Variants in PRDM8 observed in about 807,000 individuals in gnomAD.
PRDM8 encodes PR/SET domain 8.
In PRDM8, 13 loss-of-function variants were observed where a neutral mutation model predicts 46.5. That is an observed-to-expected ratio of 0.28 (90% CI 0.18 to 0.44). PRDM8 has a LOEUF of 0.44. Ranked by LOEUF, PRDM8 falls within the 20% of genes least tolerant of loss-of-function variation. The pLI is 1.00. For synonymous variants in PRDM8, 473 were observed against 438.4 expected (o/e 1.08, Z -0.98); for missense variants, 998 against 955.0 (o/e 1.04, Z -0.59).
chr4:80,202,211 CCGG>C lies in PRDM8; in HGVS notation c.754_756del (p.Gly252del). On this transcript the variant is annotated inframe_deletion, in exon 4 of 4. Transcript: ENST00000415738. The stretch of plus-strand genomic sequence containing the variant: ...GAAAGCAGCAACCCATCCGCTGCCG[CCGG>C]CGGCAGCAGCGCGAAGCCATCCACA... 6.2e-7 allele frequency: 1 copy of C among 1,612,030 alleles called. No individual in the cohort carries two copies. The highest frequency in any genetic ancestry group is 8.5e-7 in the Non-Finnish European group (1 of 1,179,734).
At chr4:80,186,894 C>T (rs1737138905) in intron 1 of PRDM8, among the ~76,000 whole-genome samples, 1 of 152,202 alleles carries the variant, frequency 6.6e-6, no homozygotes, top group Non-Finnish European at 1.5e-5. Context: ...GGTGCCCTTT[C>T]TCTGTGCTGC....
intron 1 of PRDM8, among the ~76,000 whole-genome samples, chr4:80,188,800 A>G (rs1232948485): frequency 6.6e-6 from 1 of 152,204 alleles, no homozygotes; most frequent in Non-Finnish European, 1.5e-5. Context: ...TGCGTGGGCT[A>G]GGAGAAGGAG....
chr4:80,200,742 T>C (rs1243496656), intron 2 of PRDM8, among the ~76,000 whole-genome samples: 1 of 151,060 alleles, frequency 6.6e-6, no homozygotes, highest in Non-Finnish European at 1.5e-5. Flanking sequence ...CCAGAGTTTG[T>C]ATTTAAATAA....
At chr4:80,200,396 C>T (rs980014827) in intron 2 of PRDM8, 97 bp downstream of exon 2, 3 of 1,158,860 alleles carry the variant, frequency 2.6e-6, no homozygotes, top group African/African-American at 3.1e-5. Flanking sequence ...TAGGTTTTGC[C>T]TGTGGAAAAA....
intron 1 of PRDM8, among the ~76,000 whole-genome samples, chr4:80,190,980 C>T (rs1441450572): frequency 6.6e-6 from 1 of 152,214 alleles, no homozygotes; most frequent in Non-Finnish European, 1.5e-5. Context: ...ATCACACACA[C>T]AAGATATTAG....
chr4:80,202,898 G>C lies in PRDM8; in HGVS notation c.1436G>C (p.Gly479Ala). ...AGSTSGGGGT[G>A]AGAAGGAGGG... ...AGCACCAGCGGTGGGGGCGGAACGG[G>C]CGCCGGGGCCGCAGGCGGCGCGGGC... is the stretch of plus-strand genomic sequence containing the variant. The change falls in exon 4 of 4, where the codon GGC becomes GCC. Residue 479 changes from glycine (G) to alanine (A), a missense_variant. Physicochemically the swap from Gly to Ala is moderately conservative, Grantham distance 60. Coordinates refer to ENST00000415738, the MANE Select transcript of PRDM8 (RefSeq NM_001099403.2). 1 of 1,328,166 alleles carries C rather than the reference G, an allele frequency of 7.5e-7. No homozygotes were observed. The highest frequency in any genetic ancestry group is 9.5e-7 in the Non-Finnish European group (1 of 1,050,012). 82.3% of individuals were successfully genotyped at this position (1,328,166 alleles called of 1,614,324 possible).
intron 1 of PRDM8, among the ~76,000 whole-genome samples, chr4:80,188,385 C>T (rs140427372): frequency 6.6e-6 from 1 of 152,252 alleles, no homozygotes; most frequent in African/African-American, 2.4e-5. Context: ...TTCACAGATC[C>T]CCCTGCTTCA....
In PRDM8 at chr4:80,201,421, C is replaced by T; in HGVS notation, c.351C>T (p.Leu117=). Residue 117 remains leucine (L), a synonymous_variant, in exon 3 of 4, where the codon CTC becomes CTT. Coordinates refer to ENST00000415738, the MANE Select transcript of PRDM8 (RefSeq NM_001099403.2). ...IKNGQLFYRS[L]RRIAKDEELL... ...ACGGACAGCTGTTCTACCGCTCTCT[C>T]CGCAGGATTGCCAAAGACGAGGAGT... 1.9e-6 allele frequency: 3 copies of T among 1,614,244 alleles called. No individual in the cohort carries two copies. Among genetic ancestry groups the T allele is most frequent in the Non-Finnish European group, 2.5e-6 (3 of 1,180,042 alleles).
chr4:80,190,247 A>G (rs1737439610), intron 1 of PRDM8: 1 of 152,254 alleles, frequency 6.6e-6, no homozygotes, highest in Non-Finnish European at 1.5e-5. Context: ...TCCGCAGGTT[A>G]AGTGGTCACC....
Position 80,202,726 on chromosome 4 carries a change from T to C in PRDM8, c.1264T>C (p.Ser422Pro). 7.7e-7 allele frequency: 1 copy of C among 1,305,270 alleles called. No homozygotes were observed. The highest frequency in any genetic ancestry group is 9.7e-7 in the Non-Finnish European group (1 of 1,033,066). The allele number at this position is 1,305,270 out of a possible 1,614,324, so 80.9% of individuals were successfully genotyped here. The change falls in exon 4 of 4, where the codon TCC (serine) becomes CCC (proline). Residue 422 changes from serine to proline, a missense_variant. Physicochemically the swap from Ser to Pro is moderately conservative, Grantham distance 74. Coordinates refer to ENST00000415738, the MANE Select transcript of PRDM8 (RefSeq NM_001099403.2). ...EDQDAGGGGG[S>P]STPAAASPVG... ...CCAGGACGCTGGCGGCGGCGGCGGC[T>C]CCTCCACGCCCGCGGCCGCGTCACC...
rs1309942730 is a variant in PRDM8 at position 80,202,422 on chromosome 4, G to A, written c.960G>A (p.Ala320=). ...GAAAGAGGAAATTCCCGGAGGAGGC[G>A]GCGGAGGGCGGCGGTGGCGCTGGTC... ...GKGKRKFPEE[A]AEGGGGAGLV... Residue 320 remains alanine, a synonymous_variant, in exon 4 of 4, where the codon GCG becomes GCA. Coordinates refer to ENST00000415738, the MANE Select transcript of PRDM8 (RefSeq NM_001099403.2). 1 of 1,550,364 alleles carries A rather than the reference G, an allele frequency of 6.5e-7. No individual in the cohort carries two copies. Among genetic ancestry groups the A allele is most frequent in the East Asian group, 2.4e-5 (1 of 41,110 alleles).
At chr4:80,196,759 G>T (rs1385161417), upstream of PRDM8, among the ~76,000 whole-genome samples, 1 of 151,866 alleles carries the variant, frequency 6.6e-6, no homozygotes, top group East Asian at 1.9e-4. Context: ...AAAAAAACAG[G>T]AACTGTTTGA....
At chr4:80,193,230 A>G (rs1737684659), upstream of PRDM8, among the ~76,000 whole-genome samples, 1 of 152,166 alleles carries the variant, frequency 6.6e-6, no homozygotes, top group African/African-American at 2.4e-5. Context: ...CAGCCTGGAA[A>G]ACATTTGCTC....
chr4:80,189,815 C>T (rs1737409685), intron 1 of PRDM8: 1 of 152,268 alleles, frequency 6.6e-6, no homozygotes, highest in Admixed American at 6.5e-5. Flanking sequence ...GTGGGCTTTC[C>T]TGAGCCTGAA....
chr4:80,200,371 A>G, intron 2 of PRDM8, 72 bp downstream of exon 2: 1 of 1,337,110 alleles, frequency 7.5e-7, no homozygotes, highest in Non-Finnish European at 1.1e-6. Context: ...AAATAATTAT[A>G]ATGACAAGTG....
At position 80,202,839 on chromosome 4, in the gene PRDM8, C is replaced by A; in HGVS notation, c.1377C>A (p.Ala459=). 2 of 1,230,050 alleles carry A rather than the reference C, an allele frequency of 1.6e-6. No homozygotes were observed. Among genetic ancestry groups the A allele is most frequent in the Non-Finnish European group, 2.0e-6 (2 of 990,518 alleles). 76.2% of individuals were successfully genotyped at this position (1,230,050 alleles called of 1,614,324 possible). A position where few individuals can be genotyped will look rare whatever the true frequency, so the allele number is the denominator to read the frequency against. Residue 459 remains alanine (A), a synonymous_variant, in exon 4 of 4, where the codon GCC becomes GCA. Coordinates refer to ENST00000415738, the MANE Select transcript of PRDM8 (RefSeq NM_001099403.2). The part of the protein sequence containing the change: ...LEGGSPARGS[A]FTSVPQLGSA... ...GCGGCAGTCCTGCGAGGGGCAGCGC[C>A]TTCACTTCGGTGCCGCAGCTGGGCA...
At chr4:80,196,217 C>T, upstream of PRDM8, 1 of 917,706 alleles carries the variant, frequency 1.1e-6, no homozygotes, top group Non-Finnish European at 1.3e-6. Flanking sequence ...GTTCTGCCTC[C>T]TCCACTTTAG....
chr4:80,193,132 A>G (rs1464281643), upstream of PRDM8, among the ~76,000 whole-genome samples: 1 of 152,204 alleles, frequency 6.6e-6, no homozygotes, highest in Non-Finnish European at 1.5e-5. Flanking sequence ...TATGAGTCAG[A>G]AGTAATGATC....
exon 1 of PRDM8, chr4:80,185,505 G>C (rs1241068403): frequency 1.3e-5 from 2 of 152,360 alleles, no homozygotes; most frequent in Admixed American, 1.3e-4. Flanking sequence ...AAAATCGTCA[G>C]GGGCGGCGGC....
Sources: allele counts gnomAD v4.1 joint callset (sites outside exome capture counted in the v4.1 genomes callset), GRCh38; gene constraint gnomAD v4.1.1; transcripts MANE v1.5; gene names NCBI Gene and HGNC (gene_info 2026-07-23, HGNC 2026-07-21).